The following CD80 variants were observed in gnomAD, a reference collection of about 807,000 sequenced individuals.
CD80 encodes the protein CD80 molecule.
CD80 carries 13 observed loss-of-function variants against 27.1 expected under a neutral mutation model. That is an observed-to-expected ratio of 0.48 (90% CI 0.31 to 0.76). The LOEUF is 0.76. Among genes scored for constraint, CD80 ranks in the 30% least tolerant of loss-of-function variants. The pLI is 0.04. For synonymous variants in CD80, 125 were observed against 125.5 expected (o/e 1.00, Z 0.03); for missense variants, 277 against 347.9 (o/e 0.80, Z 1.62).
chr3:119,544,774 T>C lies in CD80; in HGVS notation c.194A>G (p.Tyr65Cys). ...CACCATTTTCTTCTCCTTTTGCCAGTAGATGCGAGTTTGTGCCAGCTCTTC... is the reference window on the plus strand; with the variant it reads ...CACCATTTTCTTCTCCTTTTGCCAGCAGATGCGAGTTTGTGCCAGCTCTTC... ...SVEELAQTRI[Y>C]WQKEKKMVLT... The change falls in exon 3 of 7, where the codon TAC becomes TGC. Residue 65 changes from tyrosine to cysteine, a missense_variant. Tyr to Cys is a radical substitution (Grantham distance 194). Coordinates refer to ENST00000264246, the MANE Select transcript of CD80 (RefSeq NM_005191.4). The C allele has an allele frequency of 6.2e-7, 1 of 1,614,200 alleles. No homozygotes were observed. Among genetic ancestry groups the C allele is most frequent in the African/African-American group, 1.3e-5 (1 of 75,056 alleles).
intron 2 of CD80, among the ~76,000 whole-genome samples, chr3:119,551,405 A>G (rs2082231043): frequency 6.6e-6 from 1 of 151,918 alleles, no homozygotes; most frequent in South Asian, 2.1e-4. Context: ...AGACTCTGCC[A>G]TCATGGATGG....
chr3:119,527,761 G>A lies in CD80; in HGVS notation c.*10C>T. The A allele has an allele frequency of 6.2e-7, 1 of 1,611,180 alleles. No homozygotes were observed. The highest frequency in any genetic ancestry group is 1.3e-5 in the African/African-American group (1 of 74,966). ...CAGATCTTTTCAGCCCCTTGCTTCT[G>A]CGGACACTGTTATACAGGGCGTACA... On this transcript the variant is annotated 3_prime_UTR_variant, in exon 6 of 7. Coordinates refer to ENST00000264246, the MANE Select transcript of CD80 (RefSeq NM_005191.4).
intron 4 of CD80, among the ~76,000 whole-genome samples, chr3:119,534,757 G>A (rs1381160088): frequency 1.3e-5 from 2 of 152,106 alleles, no homozygotes; most frequent in Non-Finnish European, 2.9e-5. Context: ...CTATATGATT[G>A]AAGCCTCATT....
intron 6 of CD80, among the ~76,000 whole-genome samples, chr3:119,526,675 A>C (rs2082067865): frequency 6.6e-6 from 1 of 152,214 alleles, no homozygotes; most frequent in Non-Finnish European, 1.5e-5. Flanking sequence ...TCTTGCTCAT[A>C]GAGATTTTTA....
chr3:119,558,474 A>G (rs576078221), intron 1 of CD80, among the ~76,000 whole-genome samples: 1 of 152,268 alleles, frequency 6.6e-6, no homozygotes, highest in East Asian at 1.9e-4. Context: ...AAAATTATGT[A>G]CTCCAGGGCC....
intron 2 of CD80, among the ~76,000 whole-genome samples, chr3:119,550,903 C>T (rs2082227723): frequency 6.6e-6 from 1 of 152,196 alleles, no homozygotes; most frequent in Admixed American, 6.5e-5. Context: ...GAGGCCTTCC[C>T]TGACTCTCCT....
chr3:119,537,474 A>G, intron 3 of CD80, 56 bp from the exon 4 acceptor site: 1 of 1,212,386 alleles, frequency 8.2e-7, no homozygotes, highest in Non-Finnish European at 1.2e-6. Context: ...ATGTGTGTAG[A>G]GGTTTATTTT....
At chr3:119,553,127 ATTTATTT>A (rs1217682782) in intron 2 of CD80, among the ~76,000 whole-genome samples, 1 of 144,552 alleles carries the variant, frequency 6.9e-6, no homozygotes, top group African/African-American at 2.5e-5. Context: ...TTATTTATTT[ATTTATTT>A]ATTTATTTAT....
chr3:119,536,199 T>C (rs2082136911), intron 4 of CD80, among the ~76,000 whole-genome samples: 3 of 152,034 alleles, frequency 2.0e-5, no homozygotes, highest in African/African-American at 4.8e-5. Flanking sequence ...TGCAGTGAGC[T>C]GAGATTGTGC....
intron 2 of CD80, among the ~76,000 whole-genome samples, chr3:119,553,065 C>G (rs1303382163): frequency 6.6e-6 from 1 of 151,882 alleles, no homozygotes; most frequent in East Asian, 1.9e-4. Context: ...GGTGGTTTCA[C>G]AACATTGCAA....
intron 2 of CD80, among the ~76,000 whole-genome samples, chr3:119,550,522 T>G (rs545477008): frequency 6.6e-6 from 1 of 152,328 alleles, no homozygotes; most frequent in Non-Finnish European, 1.5e-5. Context: ...AAACAGTCAT[T>G]ATAAATTTGC....
rs1187005157 is a variant in CD80 at position 119,527,762 on chromosome 3, C to T, written c.*9G>A. The T allele has an allele frequency of 2.5e-5, 40 of 1,610,694 alleles. No homozygotes were observed. The highest frequency in any genetic ancestry group is 1.6e-4 in the Middle Eastern group (1 of 6,080). Reference sequence around the variant, plus strand: ...AGATCTTTTCAGCCCCTTGCTTCTGCGGACACTGTTATACAGGGCGTACAC... The same window carrying T: ...AGATCTTTTCAGCCCCTTGCTTCTGTGGACACTGTTATACAGGGCGTACAC... On this transcript the variant is annotated 3_prime_UTR_variant, in exon 6 of 7. Coordinates refer to ENST00000264246, the MANE Select transcript of CD80 (RefSeq NM_005191.4).
chr3:119,557,654 C>T lies in CD80; in HGVS notation c.75G>A (p.Leu25=), dbSNP rs2082271694. The T allele has an allele frequency of 6.2e-7, 1 of 1,613,478 alleles. No homozygotes were observed. Among genetic ancestry groups the T allele is most frequent in the African/African-American group, 1.3e-5 (1 of 74,888 alleles). Reference sequence around the variant, plus strand: ...CTGAACAGAAGTGAGAAAGACCAGCCAGCACCAAGAGCTGAAAGAAATTGA... The same window carrying T: ...CTGAACAGAAGTGAGAAAGACCAGCTAGCACCAAGAGCTGAAAGAAATTGA... ...PYLNFFQLLV[L]AGLSHFCSGV... The change falls in exon 2 of 7, where the codon CTG becomes CTA. Residue 25 remains leucine, a synonymous_variant. Transcript: ENST00000264246.
chr3:119,538,642 T>C (rs926009892), intron 3 of CD80, among the ~76,000 whole-genome samples: 5 of 152,226 alleles, frequency 3.3e-5, no homozygotes, highest in Admixed American at 1.3e-4. Context: ...GAACATTGAC[T>C]CTTAAGTCTG....
chr3:119,548,562 C>A (rs894189266), intron 2 of CD80, among the ~76,000 whole-genome samples: 1 of 152,178 alleles, frequency 6.6e-6, no homozygotes, highest in African/African-American at 2.4e-5. Flanking sequence ...AATGAGGAAA[C>A]TGAGCTGAGG....
Position 119,557,945 on chromosome 3 carries a change from TA to T in CD80, c.-200-18del, listed in dbSNP as rs2107749617. 2.7e-6 allele frequency: 1 copy of T among 374,304 alleles called. No individual in the cohort carries two copies. The highest frequency in any genetic ancestry group is 4.8e-6 in the Non-Finnish European group (1 of 209,780). 23.2% of individuals were successfully genotyped at this position (374,304 alleles called of 1,614,324 possible). The stretch of plus-strand genomic sequence containing the variant: ...TTTCACAGCCTGAAAAAGGAACAAA[TA>T]AAAGTCATTCAGGAAGGAAGGTGTG... On this transcript the variant is annotated intron_variant, in intron 1 of 6. Coordinates refer to ENST00000264246, the MANE Select transcript of CD80 (RefSeq NM_005191.4).
chr3:119,529,996 T>A, intron 4 of CD80, 59 bp from the exon 5 acceptor site: 1 of 1,227,954 alleles, frequency 8.1e-7, no homozygotes, highest in South Asian at 1.2e-5. Context: ...TGATACTCAT[T>A]CTGTGCCTTT....
intron 4 of CD80, among the ~76,000 whole-genome samples, chr3:119,532,403 G>T (rs1296578431): frequency 1.3e-5 from 2 of 151,912 alleles, no homozygotes; most frequent in Non-Finnish European, 2.9e-5. Context: ...TGAAGCAAGA[G>T]AATTGCTTGA....
intron 2 of CD80, among the ~76,000 whole-genome samples, chr3:119,545,239 G>A (rs909319096): frequency 1.3e-5 from 2 of 152,082 alleles, no homozygotes; most frequent in Non-Finnish European, 2.9e-5. Context: ...AGCTACTCGG[G>A]AGGCTGAGGC....
Sources: gnomAD v4.1 joint callset for allele counts (sites outside exome capture counted in the v4.1 genomes callset) on GRCh38, gnomAD v4.1.1 for gene constraint, MANE v1.5 for transcripts, NCBI Gene and HGNC (gene_info 2026-07-23, HGNC 2026-07-21) for gene names.